Variants in WNT3 observed in about 807,000 individuals in gnomAD.
The protein encoded by WNT3 is proto-oncogene Wnt-3.
A neutral mutation model predicts 34.2 loss-of-function variants in WNT3; 7 were observed. That is an observed-to-expected ratio of 0.20 (90% CI 0.12 to 0.38). The LOEUF (loss-of-function observed/expected upper bound fraction) is 0.38. Among genes scored for constraint, WNT3 ranks in the 10% least tolerant of loss-of-function variants. The pLI is 1.00. For synonymous variants in WNT3, 212 were observed against 211.5 expected (o/e 1.00, Z -0.02); for missense variants, 267 against 499.8 (o/e 0.53, Z 4.44).
chr17:46,765,923 A>T (rs929741677), intron 4 of WNT3, among the ~76,000 whole-genome samples: 1 of 152,368 alleles, frequency 6.6e-6, no homozygotes, highest in Admixed American at 6.5e-5. Flanking sequence ...TCAGAAGGGC[A>T]CCATGTTGGG....
At chr17:46,792,630 C>T (rs1290377668) in intron 1 of WNT3, among the ~76,000 whole-genome samples, 2 of 152,106 alleles carry the variant, frequency 1.3e-5, no homozygotes, top group African/African-American at 4.8e-5. Flanking sequence ...CATGCCACCA[C>T]ACCTGGCTAA....
At chr17:46,791,482 C>T (rs1472379882) in intron 1 of WNT3, among the ~76,000 whole-genome samples, 1 of 152,176 alleles carries the variant, frequency 6.6e-6, no homozygotes, top group Non-Finnish European at 1.5e-5. Context: ...GCTGGGATTA[C>T]AGACGTGAGC....
intron 1 of WNT3, among the ~76,000 whole-genome samples, chr17:46,810,109 C>T (rs867849917): frequency 2.0e-5 from 3 of 150,278 alleles, no homozygotes; most frequent in Non-Finnish European, 2.9e-5. Context: ...CAGGTTCAAG[C>T]GATTCTCCTG....
intron 1 of WNT3, among the ~76,000 whole-genome samples, chr17:46,779,107 C>CCA (rs2059439001): frequency 2.1e-5 from 1 of 46,870 alleles, no homozygotes; most frequent in Admixed American, 1.7e-4. Flanking sequence ...ACACACACCC[C>CCA]AGCCCACTCG....
chr17:46,781,261 T>C (rs1289279887), intron 1 of WNT3, among the ~76,000 whole-genome samples: 1 of 151,328 alleles, frequency 6.6e-6, no homozygotes, highest in African/African-American at 2.4e-5. Flanking sequence ...GAAATTCTGA[T>C]GCTTCTGATG....
At chr17:46,791,400 T>C (rs1202765964) in intron 1 of WNT3, among the ~76,000 whole-genome samples, 2 of 151,678 alleles carry the variant, frequency 1.3e-5, no homozygotes, top group Non-Finnish European at 2.9e-5. Flanking sequence ...AGAGACGGGG[T>C]TTCAACATGT....
Position 46,779,103 on chromosome 17 carries a change from A to ACCCCCC in WNT3, c.81-5195_81-5194insGGGGGG, listed in dbSNP as rs3219936. On this transcript the variant is annotated intron_variant, in intron 1 of 4. Coordinates refer to ENST00000225512, the MANE Select transcript of WNT3 (RefSeq NM_030753.5). ...CACACACACACACACACACACACAC[A>ACCCCCC]CCCCAGCCCACTCGGCCTTCCAAAG... 4.3e-4 allele frequency among the ~76,000 whole-genome samples: 58 copies of ACCCCCC among 133,662 alleles called. 3 individuals carry two copies. In the East Asian group the frequency reaches 5.9e-3, roughly 14 times the overall value. 87.7% of individuals were successfully genotyped at this position (133,662 alleles called of 152,430 possible).
intron 1 of WNT3, among the ~76,000 whole-genome samples, chr17:46,789,076 C>T (rs960244300): frequency 9.2e-5 from 14 of 152,218 alleles, no homozygotes; most frequent in South Asian, 2.1e-4. Flanking sequence ...TAAACATTCA[C>T]GCTGGGCCAG....
chr17:46,785,127 GCCTTC>G (rs1201479224), intron 1 of WNT3, among the ~76,000 whole-genome samples: 2 of 152,174 alleles, frequency 1.3e-5, no homozygotes, highest in Non-Finnish European at 2.9e-5. Flanking sequence ...GTGCACAGCT[GCCTTC>G]CCTTGGGGAC....
At chr17:46,793,906 A>T (rs913716013) in intron 1 of WNT3, among the ~76,000 whole-genome samples, 4 of 152,118 alleles carry the variant, frequency 2.6e-5, no homozygotes, top group East Asian at 3.8e-4. Context: ...TGCTATCGCT[A>T]TTTTGCCACT....
At chr17:46,809,911 C>G (rs1022594463) in intron 1 of WNT3, among the ~76,000 whole-genome samples, 2 of 152,160 alleles carry the variant, frequency 1.3e-5, no homozygotes, top group Non-Finnish European at 2.9e-5. Flanking sequence ...ATATCAACTC[C>G]TCAAGCTCAG....
At chr17:46,806,931 C>T (rs62071975) in intron 1 of WNT3, among the ~76,000 whole-genome samples, 2 of 152,164 alleles carry the variant, frequency 1.3e-5, no homozygotes, top group African/African-American at 4.8e-5. Context: ...TGGGTGCTAC[C>T]TGGGCACTCC....
intron 1 of WNT3, among the ~76,000 whole-genome samples, chr17:46,787,742 T>C (rs532957272): frequency 4.3e-4 from 65 of 152,202 alleles, no homozygotes; most frequent in African/African-American, 1.5e-3. Context: ...TCAACTGAAG[T>C]CAGGAGTTCG....
intron 1 of WNT3, among the ~76,000 whole-genome samples, chr17:46,774,408 C>T (rs900771662): frequency 6.6e-6 from 1 of 152,242 alleles, no homozygotes; most frequent in African/African-American, 2.4e-5. Context: ...CTCTTCCCTG[C>T]GATGGTGCCA....
At chr17:46,807,586 T>G (rs1329669652) in intron 1 of WNT3, among the ~76,000 whole-genome samples, 1 of 152,242 alleles carries the variant, frequency 6.6e-6, no homozygotes, top group Non-Finnish European at 1.5e-5. Context: ...GCAATGTTTA[T>G]TTTGCTTTTT....
At chr17:46,781,562 A>G (rs2059461375) in intron 1 of WNT3, among the ~76,000 whole-genome samples, 1 of 152,220 alleles carries the variant, frequency 6.6e-6, no homozygotes, top group African/African-American at 2.4e-5. Context: ...AGGGACAGAA[A>G]GTAGAACAGA....
At chr17:46,774,350 A>ACG (rs752128701) in intron 1 of WNT3, among the ~76,000 whole-genome samples, 297 of 152,214 alleles carry the variant, frequency 2.0e-3, no homozygotes, top group Non-Finnish European at 2.8e-3. Flanking sequence ...CTCATGGGAC[A>ACG]CGCGCGCGCG....
At chr17:46,775,649 T>A (rs1315730746) in intron 1 of WNT3, among the ~76,000 whole-genome samples, 1 of 147,634 alleles carries the variant, frequency 6.8e-6, no homozygotes, top group Non-Finnish European at 1.5e-5. Flanking sequence ...AGTCTCGCTG[T>A]GTCACCCAGG....
intron 1 of WNT3, among the ~76,000 whole-genome samples, chr17:46,807,359 A>G (rs1338213065): frequency 6.6e-6 from 1 of 152,188 alleles, no homozygotes; most frequent in African/African-American, 2.4e-5. Context: ...GCGCATGCCT[A>G]TAATCCCAGG....
Sources: gnomAD v4.1 joint callset for allele counts (sites outside exome capture counted in the v4.1 genomes callset) on GRCh38, gnomAD v4.1.1 for gene constraint, MANE v1.5 for transcripts, NCBI Gene and HGNC (gene_info 2026-07-23, HGNC 2026-07-21) for gene names.